The following SOX6 variants were observed in gnomAD, a reference collection of about 807,000 sequenced individuals.
The protein encoded by SOX6 is transcription factor SOX-6.
In SOX6, 11 loss-of-function variants were observed where a neutral mutation model predicts 97.8. The ratio of observed to expected loss-of-function variants is 0.11; its 90% confidence interval spans 0.07 to 0.19. The LOEUF (loss-of-function observed/expected upper bound fraction) is 0.19, where lower values mean the gene tolerates loss of function less well. SOX6 is among the 10% of genes least tolerant of loss of function. The pLI is 1.00. For missense variants in SOX6, 810 were observed against 1,039.5 expected, an observed-to-expected ratio of 0.78 and a Z score of 3.04; for synonymous variants, 360 against 371.4, an observed-to-expected ratio of 0.97 and a Z score of 0.35.
At chr11:16,644,155 C>G (rs1848971424) in intron 3 of SOX6, among the ~76,000 whole-genome samples, 1 of 152,198 alleles carries the variant, frequency 6.6e-6, no homozygotes, top group African/African-American at 2.4e-5. Context: ...ATCCTCCCAC[C>G]TCGGCCTCCC....
At chr11:16,511,189 A>T (rs1025329865) in intron 4 of SOX6, among the ~76,000 whole-genome samples, 1 of 152,190 alleles carries the variant, frequency 6.6e-6, no homozygotes, top group Non-Finnish European at 1.5e-5. Context: ...TTTTTACCTT[A>T]AAAATATTGT....
At chr11:16,276,343 A>G (rs1854398235) in intron 3 of SOX6, among the ~76,000 whole-genome samples, 1 of 152,198 alleles carries the variant, frequency 6.6e-6, no homozygotes, top group Admixed American at 6.5e-5. Context: ...GTTGGCAATG[A>G]AAAAGCCATT....
intron 5 of SOX6, among the ~76,000 whole-genome samples, chr11:16,184,478 T>C (rs1398369294): frequency 3.3e-5 from 5 of 152,172 alleles, no homozygotes; most frequent in Admixed American, 3.3e-4. Flanking sequence ...TTAGCTTTTT[T>C]TGTTGATGCT....
Position 16,378,708 on chromosome 11 carries a change from A to G in SOX6, c.-4-37456T>C, listed in dbSNP as rs570586860. ...TTACATAATGTTAGATAGGAAAGAC[A>G]TTTCTAAAAATGGTTCTAAAGGCAG... is the stretch of plus-strand genomic sequence containing the variant. On this transcript the variant is annotated intron_variant, in intron 1 of 15. Transcript: ENST00000396356. Among the ~76,000 whole-genome samples the G allele has an allele frequency of 2.0e-5, 3 of 152,188 alleles. No homozygotes were observed. The East Asian group carries it at 5.8e-4, about 29-fold the overall frequency.
At chr11:15,993,178 A>G (rs1347830917) in intron 13 of SOX6, among the ~76,000 whole-genome samples, 1 of 152,212 alleles carries the variant, frequency 6.6e-6, no homozygotes, top group Non-Finnish European at 1.5e-5. Context: ...TTTACAGCAT[A>G]CTATAAATTG....
chr11:16,042,937 AC>A (rs1203942064), intron 12 of SOX6, among the ~76,000 whole-genome samples: 1 of 152,158 alleles, frequency 6.6e-6, no homozygotes, highest in African/African-American at 2.4e-5. Flanking sequence ...GGCTCACATA[AC>A]ACCTACGCAG....
chr11:16,546,373 T>C (rs555302417), intron 4 of SOX6, among the ~76,000 whole-genome samples: 2 of 152,032 alleles, frequency 1.3e-5, no homozygotes, highest in Non-Finnish European at 2.9e-5. Flanking sequence ...TAGAAGTCAA[T>C]AGTAACCAAA....
intron 1 of SOX6, among the ~76,000 whole-genome samples, chr11:16,394,343 G>C (rs1396965551): frequency 6.6e-6 from 1 of 151,780 alleles, no homozygotes; most frequent in Non-Finnish European, 1.5e-5. Context: ...CACTTTCTAT[G>C]ACCTCAAGTG....
At chr11:16,706,276 C>CAA (rs113536333) in intron 3 of SOX6, among the ~76,000 whole-genome samples, 1,367 of 129,702 alleles carry the variant, frequency 0.011, 19 homozygotes, top group African/African-American at 0.037. Flanking sequence ...CCATTTCTAC[C>CAA]AAAAAAAAAA....
At chr11:16,501,328 TAA>T (rs36154279) in intron 4 of SOX6, among the ~76,000 whole-genome samples, 26,130 of 152,038 alleles carry the variant, frequency 0.17, 2,625 homozygotes, top group Admixed American at 0.3. Context: ...ATTAAAGACT[TAA>T]ATGTTAGACC....
At chr11:16,262,937 G>A (rs1853946728) in intron 3 of SOX6, among the ~76,000 whole-genome samples, 1 of 151,870 alleles carries the variant, frequency 6.6e-6, no homozygotes, top group South Asian at 2.1e-4. Flanking sequence ...ATTTCAATTA[G>A]TTGCTAAATC....
intron 3 of SOX6, among the ~76,000 whole-genome samples, chr11:16,677,888 G>C (rs1181762868): frequency 1.3e-5 from 2 of 152,116 alleles, no homozygotes; most frequent in Non-Finnish European, 2.9e-5. Context: ...TGAATATATA[G>C]ATACTAAGGT....
chr11:16,114,112 AAACCTGATTATATAAT>A, intron 6 of SOX6, among the ~76,000 whole-genome samples: 1 of 152,318 alleles, frequency 6.6e-6, no homozygotes, highest in South Asian at 2.1e-4. Context: ...ACGTAATGAA[AAACCTGATTATATAAT>A]AACCTTTAGA....
chr11:16,437,163 G>A (rs1859392512), intron 1 of SOX6, among the ~76,000 whole-genome samples: 1 of 151,554 alleles, frequency 6.6e-6, no homozygotes, highest in South Asian at 2.1e-4. Flanking sequence ...TAATTTTTAA[G>A]TCCTGGGTGG....
chr11:16,318,429 G>C lies in SOX6; in HGVS notation c.445+17C>G. 2 of 1,609,914 alleles carry C rather than the reference G, an allele frequency of 1.2e-6. No individual in the cohort carries two copies. Among genetic ancestry groups the C allele is most frequent in the South Asian group, 1.1e-5 (1 of 90,984 alleles). Reference sequence around the variant, plus strand: ...AGAAGAAAAAAAACAGAGCCCAACAGTGAAGTCCACACATACCCTCTTGTT... The same window carrying C: ...AGAAGAAAAAAAACAGAGCCCAACACTGAAGTCCACACATACCCTCTTGTT... On this transcript the variant is annotated intron_variant, in intron 3 of 15. Transcript: ENST00000683767.
chr11:16,578,110 G>A (rs1160916465), intron 4 of SOX6, among the ~76,000 whole-genome samples: 3 of 152,088 alleles, frequency 2.0e-5, no homozygotes, highest in Non-Finnish European at 4.4e-5. Flanking sequence ...GTGAGGAAGG[G>A]TCCAACTTTA....
At chr11:16,048,702 A>G (rs141095124) in intron 11 of SOX6, among the ~76,000 whole-genome samples, 1 of 152,266 alleles carries the variant, frequency 6.6e-6, no homozygotes, top group East Asian at 1.9e-4. Context: ...TATTTTATCT[A>G]TTGAAATAAG....
chr11:16,249,844 G>A (rs1024981125), intron 3 of SOX6, among the ~76,000 whole-genome samples: 15 of 152,088 alleles, frequency 9.9e-5, no homozygotes, highest in African/African-American at 2.9e-4. Flanking sequence ...TTGATCAAGT[G>A]TTCTCATTGT....
intron 2 of SOX6, among the ~76,000 whole-genome samples, chr11:16,335,726 C>T (rs139968204): frequency 1.2e-4 from 18 of 152,228 alleles, no homozygotes; most frequent in African/African-American, 4.3e-4. Context: ...TAGCTCCATT[C>T]CCAGAAATGG....
Sources: gnomAD v4.1 joint callset for allele counts (sites outside exome capture counted in the v4.1 genomes callset) on GRCh38, gnomAD v4.1.1 for gene constraint, MANE v1.5 for transcripts, NCBI Gene and HGNC (gene_info 2026-07-23, HGNC 2026-07-21) for gene names.